Variants in GRID2 observed in about 807,000 individuals in gnomAD.
GRID2 encodes glutamate ionotropic receptor delta type subunit 2, also known as glutamate receptor ionotropic, delta-2.
In GRID2, 33 loss-of-function variants were observed where a neutral mutation model predicts 114.8. The ratio of observed to expected loss-of-function variants is 0.29; its 90% CI spans 0.22 to 0.38. The LOEUF (loss-of-function observed/expected upper bound fraction) is 0.38. GRID2 is among the 10% of genes least tolerant of loss of function. The probability of loss-of-function intolerance (pLI) is 1.00; values close to 1 mark genes in which losing one functional copy is unlikely to be tolerated. For synonymous variants in GRID2, 505 were observed against 449.9 expected, an observed-to-expected ratio of 1.12 and a Z score of -1.55; for missense variants, 1,184 against 1,257.7, an observed-to-expected ratio of 0.94 and a Z score of 0.89.
intron 11 of GRID2, among the ~76,000 whole-genome samples, chr4:93,477,255 T>G (rs1725404984): frequency 6.6e-6 from 1 of 152,120 alleles, no homozygotes; most frequent in South Asian, 2.1e-4. Flanking sequence ...ATGATATTAA[T>G]CTATTCATGA....
intron 12 of GRID2, among the ~76,000 whole-genome samples, chr4:93,495,776 G>A (rs1022999601): frequency 3.3e-5 from 5 of 151,818 alleles, no homozygotes; most frequent in Admixed American, 1.3e-4. Context: ...AGGATTAAGG[G>A]TAACTTAGAA....
intron 1 of GRID2, among the ~76,000 whole-genome samples, chr4:92,423,230 A>G (rs549920313): frequency 6.6e-6 from 1 of 152,298 alleles, no homozygotes; most frequent in South Asian, 2.1e-4. Flanking sequence ...AAGACTAGCT[A>G]ATAGACCATT....
intron 1 of GRID2, among the ~76,000 whole-genome samples, chr4:92,567,951 T>C (rs566848648): frequency 6.6e-6 from 1 of 152,086 alleles, no homozygotes; most frequent in Non-Finnish European, 1.5e-5. Flanking sequence ...ACAAGAGATA[T>C]ATAGTTAAGA....
rs1337830854 is a variant in GRID2, at chr4:93,753,901, T to C, written c.2361-15309T>C. Among the ~76,000 whole-genome samples, 3 of 152,210 alleles carry C rather than the reference T, an allele frequency of 2.0e-5. No individual in the cohort carries two copies. The East Asian group carries it at 5.8e-4, about 29-fold the overall frequency. On this transcript the variant is annotated intron_variant, in intron 14 of 15. Coordinates refer to ENST00000282020, the MANE Select transcript of GRID2 (RefSeq NM_001510.4). ...ATAAGGAATTTGGAATCAATTTTTA[T>C]ACAGTCATGGATCACTTAGTGATGG...
At chr4:93,625,846 T>G (rs976479302) in intron 13 of GRID2, among the ~76,000 whole-genome samples, 1 of 151,760 alleles carries the variant, frequency 6.6e-6, no homozygotes, top group Non-Finnish European at 1.5e-5. Flanking sequence ...ACCCGGGAGG[T>G]GGAGCTTGCA....
chr4:93,257,104 AG>A (rs1401848392), intron 8 of GRID2, among the ~76,000 whole-genome samples: 7 of 151,902 alleles, frequency 4.6e-5, no homozygotes, highest in Non-Finnish European at 7.4e-5. Context: ...AAGTAGAAAA[AG>A]AAAAATGAAG....
chr4:93,332,522 G>A (rs1758609675), intron 8 of GRID2, among the ~76,000 whole-genome samples: 1 of 151,886 alleles, frequency 6.6e-6, no homozygotes, highest in Non-Finnish European at 1.5e-5. Context: ...GTTTTGCTAG[G>A]ATTAATAATA....
chr4:93,338,198 C>A (rs538222078), intron 8 of GRID2, among the ~76,000 whole-genome samples: 2 of 152,108 alleles, frequency 1.3e-5, no homozygotes, highest in African/African-American at 4.8e-5. Context: ...CATATTTTCT[C>A]ATTTTTTTGG....
intron 2 of GRID2, among the ~76,000 whole-genome samples, chr4:92,966,589 C>T (rs1753172180): frequency 6.6e-6 from 1 of 151,820 alleles, no homozygotes; most frequent in Non-Finnish European, 1.5e-5. Flanking sequence ...CTATACTGTT[C>T]TCATGGTGGT....
At chr4:92,514,555 T>A (rs930402452) in intron 1 of GRID2, among the ~76,000 whole-genome samples, 6 of 151,922 alleles carry the variant, frequency 3.9e-5, no homozygotes, top group Admixed American at 3.9e-4. Flanking sequence ...AGATATACTG[T>A]TACTACCACT....
chr4:93,722,938 T>G (rs1008918018), intron 14 of GRID2, among the ~76,000 whole-genome samples: 8 of 152,236 alleles, frequency 5.3e-5, no homozygotes, highest in African/African-American at 1.9e-4. Context: ...CTGAAAACCA[T>G]GTAACCACCC....
chr4:92,985,810 T>A (rs1467421496), intron 2 of GRID2, among the ~76,000 whole-genome samples: 5 of 152,182 alleles, frequency 3.3e-5, no homozygotes, highest in African/African-American at 9.7e-5. Context: ...CAAGTTATCT[T>A]CCAGAGTTTG....
At position 92,435,317 on chromosome 4, in the gene GRID2, A is replaced by T. The variant is rs183957529; in HGVS notation, c.88+130573A>T. Among the ~76,000 whole-genome samples, 17 of 152,324 alleles carry T rather than the reference A, an allele frequency of 1.1e-4. No homozygotes were observed. In the East Asian group the frequency reaches 3.3e-3, roughly 29 times the overall value. Reference sequence around the variant, plus strand: ...AAGGAGTTTATGACAGAAAATAGTAAAATGTAACTATTCAAAACAGAAAGG... The same window carrying T: ...AAGGAGTTTATGACAGAAAATAGTATAATGTAACTATTCAAAACAGAAAGG... On this transcript the variant is annotated intron_variant, in intron 1 of 15. Coordinates refer to ENST00000282020, the MANE Select transcript of GRID2 (RefSeq NM_001510.4).
chr4:93,427,539 G>A (rs915649693), intron 10 of GRID2, among the ~76,000 whole-genome samples: 2 of 151,924 alleles, frequency 1.3e-5, no homozygotes, highest in Non-Finnish European at 1.5e-5. Context: ...GATTATGCAC[G>A]TACCATCACA....
rs192250684 is a variant in GRID2 at position 93,726,197 on chromosome 4, A to G, written c.2361-43013A>G. ...GGAAGGGATACAGTTTTAACTTTCT[A>G]CATATGGCTAGCCAGTTTTCCCAGC... is the stretch of plus-strand genomic sequence containing the variant. On this transcript the variant is annotated intron_variant, in intron 14 of 15. Transcript: ENST00000282020. Among the ~76,000 whole-genome samples the G allele has an allele frequency of 6.6e-5, 10 of 152,306 alleles. No homozygotes were observed. In the East Asian group the frequency reaches 1.9e-3, roughly 29 times the overall value.
At chr4:92,592,561 C>T (rs1048089796) in intron 2 of GRID2, among the ~76,000 whole-genome samples, 100 of 151,914 alleles carry the variant, frequency 6.6e-4, no homozygotes, top group African/African-American at 2.2e-3. Context: ...AGTGACGTGA[C>T]GGCACTGAAA....
At chr4:92,677,000 C>T (rs981572197) in intron 2 of GRID2, among the ~76,000 whole-genome samples, 2 of 151,772 alleles carry the variant, frequency 1.3e-5, no homozygotes, top group Non-Finnish European at 1.5e-5. Flanking sequence ...AGACATTATG[C>T]TAAATAAAAA....
intron 3 of GRID2, among the ~76,000 whole-genome samples, chr4:93,109,166 A>AATGAATAC (rs1291486876): frequency 4.6e-5 from 7 of 152,286 alleles, no homozygotes; most frequent in African/African-American, 1.7e-4. Context: ...TTGGATATTG[A>AATGAATAC]ATGAATACAT....
At chr4:93,441,006 A>G (rs1721573222) in intron 10 of GRID2, among the ~76,000 whole-genome samples, 1 of 152,102 alleles carries the variant, frequency 6.6e-6, no homozygotes, top group Admixed American at 6.6e-5. Context: ...CTTATAGACA[A>G]GGACAAACAA....
Sources: allele counts gnomAD v4.1 joint callset (sites outside exome capture counted in the v4.1 genomes callset), GRCh38; gene constraint gnomAD v4.1.1; transcripts MANE v1.5; gene names NCBI Gene and HGNC (gene_info 2026-07-23, HGNC 2026-07-21).